The following DPP6 variants were observed in gnomAD, a reference collection of about 807,000 sequenced individuals.
DPP6 encodes A-type potassium channel modulatory protein DPP6.
DPP6 carries 69 observed loss-of-function variants against 122.6 expected under a neutral mutation model. The observed-to-expected ratio is 0.56, with a 90% CI of 0.46 to 0.69. The LOEUF is 0.69. Among genes scored for constraint, DPP6 ranks in the 30% least tolerant of loss-of-function variants. The pLI, the probability that DPP6 is intolerant of heterozygous loss-of-function variation, is 0.00. For missense variants in DPP6, 928 were observed against 1,116.9 expected (o/e 0.83, Z 2.41); for synonymous variants, 418 against 433.1 (o/e 0.97, Z 0.43).
intron 1 of DPP6, among the ~76,000 whole-genome samples, chr7:154,010,022 C>A (rs562031549): frequency 6.7e-4 from 102 of 152,264 alleles, no homozygotes; most frequent in African/African-American, 2.4e-3. Flanking sequence ...GCTATAATGC[C>A]CAGCTAGGAG....
chr7:153,895,627 ATTG>A (rs1460278944), intron 1 of DPP6, among the ~76,000 whole-genome samples: 1 of 70,530 alleles, frequency 1.4e-5, no homozygotes, highest in Non-Finnish European at 3.0e-5. Flanking sequence ...GTATAGTCCT[ATTG>A]GACACAAAAT....
rs562294281 is a variant in DPP6 at position 154,790,404 on chromosome 7, G to A, written c.1137-3675G>A. Among the ~76,000 whole-genome samples the A allele has an allele frequency of 2.5e-4, 38 of 152,304 alleles. 1 individual carries two copies. The highest frequency in any genetic ancestry group is 3.4e-3 in the Middle Eastern group (1 of 294). ...AGAGGCAAAGAACTGCCCAAAATGTGAGAATCACGGCTTCCTTACATAGAG... is the reference window on the plus strand; with the variant it reads ...AGAGGCAAAGAACTGCCCAAAATGTAAGAATCACGGCTTCCTTACATAGAG... On this transcript the variant is annotated intron_variant, in intron 10 of 25. Coordinates refer to ENST00000377770, the MANE Select transcript of DPP6 (RefSeq NM_130797.4).
intron 1 of DPP6, among the ~76,000 whole-genome samples, chr7:153,917,712 T>C (rs1050877767): frequency 3.9e-5 from 6 of 152,228 alleles, no homozygotes; most frequent in African/African-American, 1.4e-4. Context: ...ATGTGGTTAT[T>C]CTAGTGTGAC....
intron 1 of DPP6, among the ~76,000 whole-genome samples, chr7:154,389,062 A>G (rs527723762): frequency 6.6e-6 from 1 of 152,128 alleles, no homozygotes; most frequent in Admixed American, 6.5e-5. Flanking sequence ...GTTCACCTTG[A>G]TGGATTACCG....
chr7:154,490,302 C>G (rs1824163409), intron 3 of DPP6, among the ~76,000 whole-genome samples: 2 of 152,224 alleles, frequency 1.3e-5, no homozygotes, highest in Non-Finnish European at 2.9e-5. Context: ...CCCCAGGTGT[C>G]TCTTCCCCCG....
intron 1 of DPP6, among the ~76,000 whole-genome samples, chr7:154,005,435 G>A (rs1311069685): frequency 8.6e-5 from 13 of 151,774 alleles, no homozygotes; most frequent in South Asian, 8.4e-4. Context: ...GTCAGACCCC[G>A]GGATTTGACT....
At chr7:154,866,185 A>G (rs1314075737) in intron 17 of DPP6, among the ~76,000 whole-genome samples, 1 of 152,196 alleles carries the variant, frequency 6.6e-6, no homozygotes, top group Non-Finnish European at 1.5e-5. Flanking sequence ...AGCTTGGGAA[A>G]TGCTGTTCTC....
At chr7:154,832,036 C>A (rs529050914) in intron 16 of DPP6, among the ~76,000 whole-genome samples, 2 of 152,328 alleles carry the variant, frequency 1.3e-5, no homozygotes, top group South Asian at 4.1e-4. Flanking sequence ...GAAAGCAAAA[C>A]CCTGCCAGGT....
chr7:153,951,992 G>A (rs1362159703), intron 1 of DPP6, among the ~76,000 whole-genome samples: 1 of 152,158 alleles, frequency 6.6e-6, no homozygotes, highest in South Asian at 2.1e-4. Context: ...GCAGTGAGCC[G>A]AGATCGTGCC....
intron 1 of DPP6, among the ~76,000 whole-genome samples, chr7:153,929,995 C>G (rs1301714328): frequency 6.6e-6 from 1 of 152,218 alleles, no homozygotes; most frequent in Admixed American, 6.5e-5. Flanking sequence ...CCTATCCTTG[C>G]ATCCTCTTTT....
chr7:154,274,649 C>G (rs1047768167), intron 1 of DPP6, among the ~76,000 whole-genome samples: 1 of 150,892 alleles, frequency 6.6e-6, no homozygotes, highest in African/African-American at 2.4e-5. Context: ...ATGCAAAATA[C>G]GTTTTTTTTC....
At chr7:154,107,058 G>A (rs1179999835) in intron 1 of DPP6, among the ~76,000 whole-genome samples, 1 of 152,196 alleles carries the variant, frequency 6.6e-6, no homozygotes, top group Non-Finnish European at 1.5e-5. Flanking sequence ...TAGAATTACT[G>A]GATGATCCAG....
chr7:154,063,556 A>C (rs1339296033), intron 1 of DPP6, among the ~76,000 whole-genome samples: 1 of 120,708 alleles, frequency 8.3e-6, no homozygotes, highest in African/African-American at 3.0e-5. Context: ...GGGGACTGAG[A>C]GCTATCCCCT....
chr7:154,055,737 A>C (rs1192498895), intron 1 of DPP6: 1 of 152,208 alleles, frequency 6.6e-6, no homozygotes, highest in Non-Finnish European at 1.5e-5. Flanking sequence ...GGCTTAGCGC[A>C]GGAGAAATCT....
chr7:154,128,255 A>T (rs1352424011), intron 1 of DPP6, among the ~76,000 whole-genome samples: 1 of 151,874 alleles, frequency 6.6e-6, no homozygotes, highest in Non-Finnish European at 1.5e-5. Flanking sequence ...ATTAAAATTA[A>T]GTTTGACATT....
chr7:154,301,623 T>C (rs1331637541), intron 1 of DPP6, among the ~76,000 whole-genome samples: 3 of 152,118 alleles, frequency 2.0e-5, no homozygotes, highest in Non-Finnish European at 4.4e-5. Flanking sequence ...CAATGAAAGA[T>C]AGGCCTTTCT....
At chr7:154,156,765 ATAGGTAGGTAGG>A (rs533660351) in intron 1 of DPP6, among the ~76,000 whole-genome samples, 2 of 152,046 alleles carry the variant, frequency 1.3e-5, no homozygotes, top group East Asian at 1.9e-4. Context: ...GGAGGTATAG[ATAGGTAGGTAGG>A]TAGGTAGGTA....
intron 1 of DPP6, among the ~76,000 whole-genome samples, chr7:154,321,860 G>A (rs570811060): frequency 8.6e-5 from 13 of 151,684 alleles, no homozygotes; most frequent in African/African-American, 1.5e-4. Flanking sequence ...TGCAGGTAGC[G>A]GCCTTAGACC....
At chr7:154,868,647 G>A (rs1273254094) in intron 18 of DPP6, among the ~76,000 whole-genome samples, 1 of 152,192 alleles carries the variant, frequency 6.6e-6, no homozygotes, top group Non-Finnish European at 1.5e-5. Context: ...GCTAGGCGTT[G>A]CTAAGCACTA....
Sources: allele counts gnomAD v4.1 joint callset (sites outside exome capture counted in the v4.1 genomes callset), GRCh38; gene constraint gnomAD v4.1.1; transcripts MANE v1.5; gene names NCBI Gene and HGNC (gene_info 2026-07-23, HGNC 2026-07-21).